The following EDA variants were observed in gnomAD, a reference collection of about 807,000 sequenced individuals.
EDA encodes the protein ectodysplasin-A.
A neutral mutation model predicts 23.6 loss-of-function variants in EDA; 2 were observed. The observed-to-expected ratio is 0.08, with a 90% CI of 0.03 to 0.27. The LOEUF (loss-of-function observed/expected upper bound fraction) is 0.27. Ranked by LOEUF, EDA falls within the 10% of genes least tolerant of loss-of-function variation. The pLI is 1.00. For missense variants in EDA, 229 were observed against 324.2 expected, an observed-to-expected ratio of 0.71 and a Z score of 2.26; for synonymous variants, 131 against 132.0, an observed-to-expected ratio of 0.99 and a Z score of 0.05.
intron 1 of EDA, among the ~76,000 whole-genome samples, chrX:69,828,100 C>T (rs1487125643): frequency 5.4e-5 from 6 of 110,700 alleles, no homozygotes; most frequent in African/African-American, 9.9e-5. Context: ...CTGCTCTCTT[C>T]AAAGCTGTCA....
intron 1 of EDA, among the ~76,000 whole-genome samples, chrX:69,649,550 C>A (rs1446613969): frequency 9.0e-6 from 1 of 110,531 alleles, no homozygotes; most frequent in Non-Finnish European, 1.9e-5. Flanking sequence ...AATACTCAAA[C>A]CTATTTCCTT....
At chrX:69,926,985 T>C (rs747721253) in intron 1 of EDA, among the ~76,000 whole-genome samples, 36 of 111,285 alleles carry the variant, frequency 3.2e-4, no homozygotes, top group Non-Finnish European at 5.3e-4. Flanking sequence ...CCCCTGCTTT[T>C]TTTGCTTTCC....
intron 1 of EDA, among the ~76,000 whole-genome samples, chrX:69,741,668 G>A (rs184540395): frequency 8.9e-6 from 1 of 111,921 alleles, no homozygotes; most frequent in East Asian, 2.8e-4. Flanking sequence ...ATTAAATTCA[G>A]CACCTTTTGT....
At chrX:69,844,320 A>T (rs1323381148) in intron 1 of EDA, among the ~76,000 whole-genome samples, 1 of 112,321 alleles carries the variant, frequency 8.9e-6, no homozygotes, top group Non-Finnish European at 1.9e-5. Flanking sequence ...TTGACTTCTG[A>T]ATAATCCAAA....
chrX:69,958,530 A>G (rs994355338), intron 2 of EDA, among the ~76,000 whole-genome samples: 1 of 109,446 alleles, frequency 9.1e-6, no homozygotes, highest in Non-Finnish European at 1.9e-5. Context: ...AAAAAAAAAA[A>G]AAAAGAGCCA....
At chrX:69,776,483 C>T (rs999456169) in intron 1 of EDA, among the ~76,000 whole-genome samples, 8 of 111,794 alleles carry the variant, frequency 7.2e-5, no homozygotes, top group African/African-American at 2.6e-4. Context: ...CGATGTAAGA[C>T]ATGCCTTTGC....
chrX:69,622,278 A>G (rs1300464117), intron 1 of EDA, among the ~76,000 whole-genome samples: 2 of 111,915 alleles, frequency 1.8e-5, no homozygotes, highest in Non-Finnish European at 3.8e-5. Flanking sequence ...TTTTGACATT[A>G]TTGATAATGA....
intron 1 of EDA, among the ~76,000 whole-genome samples, chrX:69,951,249 G>T (rs2018922293): frequency 9.0e-6 from 1 of 111,254 alleles, no homozygotes; most frequent in Admixed American, 9.5e-5. Flanking sequence ...TCCATCATGT[G>T]AGTACACAGT....
At chrX:69,739,334 A>T (rs772089837) in intron 1 of EDA, among the ~76,000 whole-genome samples, 2 of 111,268 alleles carry the variant, frequency 1.8e-5, no homozygotes, top group African/African-American at 6.5e-5. Context: ...CTTACATACT[A>T]TATCTTTTCC....
intron 1 of EDA, among the ~76,000 whole-genome samples, chrX:69,620,725 G>A (rs1932149115): frequency 8.9e-6 from 1 of 111,834 alleles, no homozygotes; most frequent in African/African-American, 3.3e-5. Context: ...TACATTTTAT[G>A]TCTTTACATT....
At chrX:69,642,359 A>G (rs1291175886) in intron 1 of EDA, among the ~76,000 whole-genome samples, 1 of 111,658 alleles carries the variant, frequency 9.0e-6, no homozygotes, top group Non-Finnish European at 1.9e-5. Context: ...GAAGTCACAT[A>G]TATAAAAATA....
chrX:69,827,305 G>C (rs867455415), intron 1 of EDA, among the ~76,000 whole-genome samples: 44 of 112,053 alleles, frequency 3.9e-4, no homozygotes, highest in Middle Eastern at 4.6e-3. Flanking sequence ...TTTCCAACTT[G>C]GTTCCATTCT....
At chrX:69,977,504 C>G (rs185081668) in intron 2 of EDA, among the ~76,000 whole-genome samples, 102 of 111,633 alleles carry the variant, frequency 9.1e-4, no homozygotes, top group African/African-American at 3.2e-3. Flanking sequence ...TTACCTAGAA[C>G]CCATTTGCCC....
intron 1 of EDA, among the ~76,000 whole-genome samples, chrX:69,904,024 C>G (rs2018141089): frequency 9.1e-6 from 1 of 110,388 alleles, no homozygotes; most frequent in East Asian, 2.9e-4. Context: ...GTTGGGCAGG[C>G]TGGTGTCGAA....
At chrX:69,789,255 G>C (rs1434228814) in intron 1 of EDA, among the ~76,000 whole-genome samples, 8 of 112,147 alleles carry the variant, frequency 7.1e-5, no homozygotes, top group Non-Finnish European at 1.5e-4. Flanking sequence ...CCCGTCTTCT[G>C]CATCGCTCAC....
chrX:69,782,496 T>C (rs747638111), intron 1 of EDA, among the ~76,000 whole-genome samples: 1 of 111,400 alleles, frequency 9.0e-6, no homozygotes, highest in South Asian at 3.8e-4. Context: ...AATGTGTGTC[T>C]TAGCAACTGC....
chrX:69,958,409 C>T lies in EDA; in HGVS notation c.502+1277C>T, dbSNP rs895141606. Among the ~76,000 whole-genome samples, 11 of 109,003 alleles carry T rather than the reference C, an allele frequency of 1.0e-4. No individual in the cohort carries two copies. The East Asian group carries it at 2.3e-3, about 23-fold the overall frequency. The allele number at this position is 109,003 out of a possible 115,157, so 94.7% of individuals were successfully genotyped here. On this transcript the variant is annotated intron_variant, in intron 2 of 7. Transcript: ENST00000374552. ...CACTGATGGAAGCAGTTTTAGAGGG[C>T]GGAAGCTATTAAAGAGATGGAGCCA...
chrX:69,732,789 A>G (rs2013089933), intron 1 of EDA, among the ~76,000 whole-genome samples: 1 of 112,019 alleles, frequency 8.9e-6, no homozygotes, highest in South Asian at 3.7e-4. Flanking sequence ...AATGATCGCC[A>G]TTCTAACTAG....
At chrX:69,738,328 G>A (rs909850549) in intron 1 of EDA, among the ~76,000 whole-genome samples, 11 of 108,973 alleles carry the variant, frequency 1.0e-4, no homozygotes, top group African/African-American at 3.7e-4. Context: ...TTTAGATACT[G>A]TATTTTTAAT....
Sources: allele counts gnomAD v4.1 joint callset (sites outside exome capture counted in the v4.1 genomes callset), GRCh38; gene constraint gnomAD v4.1.1; transcripts MANE v1.5; gene names NCBI Gene and HGNC (gene_info 2026-07-23, HGNC 2026-07-21).